HPSE2: variants seen among roughly 807,000 people sequenced by gnomAD.
HPSE2 encodes the protein inactive heparanase-2.
HPSE2 carries 38 observed loss-of-function variants against 60.5 expected under a neutral mutation model. The ratio of observed to expected loss-of-function variants is 0.63; its 90% CI spans 0.48 to 0.82. The LOEUF is 0.82. HPSE2 is among the 40% of genes least tolerant of loss of function. The pLI is 0.00. For synonymous variants in HPSE2, 295 were observed against 293.2 expected (o/e 1.01, Z -0.06); for missense variants, 713 against 740.4 (o/e 0.96, Z 0.43).
intron 3 of HPSE2, among the ~76,000 whole-genome samples, chr10:99,102,141 C>G (rs1292954041): frequency 1.3e-5 from 2 of 150,152 alleles, no homozygotes; most frequent in Non-Finnish European, 3.0e-5. Flanking sequence ...CAGAGCAGAA[C>G]TAAAGGAAAT....
chr10:99,246,844 C>CT, the HPSE2 span, among the ~76,000 whole-genome samples: 4 of 151,944 alleles, frequency 2.6e-5, no homozygotes, highest in East Asian at 7.7e-4. Flanking sequence ...TACTGTTTTT[C>CT]TTTTTATGTG....
chr10:98,704,710 C>T (rs917466653), intron 5 of HPSE2, among the ~76,000 whole-genome samples: 31 of 152,054 alleles, frequency 2.0e-4, no homozygotes, highest in African/African-American at 5.3e-4. Flanking sequence ...TAGCCATATG[C>T]GGAAAACTGA....
intron 11 of HPSE2, among the ~76,000 whole-genome samples, chr10:98,477,759 A>T (rs144353592): frequency 2.0e-5 from 3 of 152,116 alleles, no homozygotes; most frequent in Non-Finnish European, 2.9e-5. Flanking sequence ...GGGCTCCCTA[A>T]CCCCTGGGCC....
intron 3 of HPSE2, among the ~76,000 whole-genome samples, chr10:98,934,034 T>C (rs556921422): frequency 1.4e-5 from 2 of 144,152 alleles, no homozygotes; most frequent in Non-Finnish European, 3.0e-5. Context: ...GCCTGGCACC[T>C]TCTTCGTCTT....
At chr10:99,204,947 A>G (rs1848694636) in intron 2 of HPSE2, among the ~76,000 whole-genome samples, 4 of 152,354 alleles carry the variant, frequency 2.6e-5, no homozygotes, top group Admixed American at 2.6e-4. Context: ...CCTTCACAAC[A>G]ACATGTATAG....
chr10:99,129,995 G>C (rs1165767085), intron 3 of HPSE2, among the ~76,000 whole-genome samples: 1 of 151,940 alleles, frequency 6.6e-6, no homozygotes, highest in Non-Finnish European at 1.5e-5. Context: ...AGGCTACCAG[G>C]AACACCTTTA....
In HPSE2 at chr10:98,985,849, C is replaced by T. The variant is rs533877958; in HGVS notation, c.610+158389G>A. On this transcript the variant is annotated intron_variant, in intron 3 of 11. Transcript: ENST00000370552. ...AAGGCAGGGGTTGCAATCCTAGTCTCTCATAAAACAGACTTTAAACCAACA... is the reference window on the plus strand; with the variant it reads ...AAGGCAGGGGTTGCAATCCTAGTCTTTCATAAAACAGACTTTAAACCAACA... Among the ~76,000 whole-genome samples the T allele has an allele frequency of 2.6e-5, 4 of 152,200 alleles. No homozygotes were observed. The South Asian group carries it at 8.3e-4, about 32-fold the overall frequency.
intron 3 of HPSE2, among the ~76,000 whole-genome samples, chr10:98,745,117 G>A (rs1442465632): frequency 6.6e-6 from 1 of 152,232 alleles, no homozygotes; most frequent in African/African-American, 2.4e-5. Flanking sequence ...CAGGAGAATG[G>A]CGTGAACCTG....
intron 3 of HPSE2, among the ~76,000 whole-genome samples, chr10:98,950,337 A>G (rs1955318486): frequency 6.6e-6 from 1 of 152,166 alleles, no homozygotes; most frequent in African/African-American, 2.4e-5. Context: ...AGGCATAAAT[A>G]CCCAGGAGTA....
At chr10:99,143,078 T>C (rs371402623) in intron 3 of HPSE2, among the ~76,000 whole-genome samples, 17 of 152,162 alleles carry the variant, frequency 1.1e-4, no homozygotes, top group East Asian at 9.6e-4. Flanking sequence ...CACTAACCAA[T>C]TTAGGGAAAT....
At chr10:98,925,709 A>AT (rs1954437449) in intron 3 of HPSE2, among the ~76,000 whole-genome samples, 2 of 152,142 alleles carry the variant, frequency 1.3e-5, no homozygotes, top group Non-Finnish European at 2.9e-5. Context: ...TAGGACACAA[A>AT]TTTTTTATGA....
At chr10:98,596,322 T>C (rs1175728951) in intron 9 of HPSE2, among the ~76,000 whole-genome samples, 1 of 127,304 alleles carries the variant, frequency 7.9e-6, no homozygotes, top group East Asian at 2.4e-4. Flanking sequence ...ATTGTTGCTA[T>C]TGTTATTTTT....
intron 4 of HPSE2, among the ~76,000 whole-genome samples, chr10:98,737,447 T>C (rs1949386754): frequency 8.9e-6 from 1 of 111,778 alleles, no homozygotes; most frequent in Non-Finnish European, 1.9e-5. Flanking sequence ...CAGCCCAGTG[T>C]TGTATCTGGG....
At chr10:98,953,121 G>C (rs957104309) in intron 3 of HPSE2, among the ~76,000 whole-genome samples, 1 of 152,146 alleles carries the variant, frequency 6.6e-6, no homozygotes, top group Non-Finnish European at 1.5e-5. Flanking sequence ...GAAGGCTCCT[G>C]GTGGACAAGG....
At position 98,778,264 on chromosome 10, in the gene HPSE2, CAGAGAGAGAGAG is replaced by C. The variant is rs143885408; in HGVS notation, c.611-34220_611-34209del. 1.5e-3 allele frequency among the ~76,000 whole-genome samples: 166 copies of C among 112,730 alleles called. 1 individual carries two copies. Among genetic ancestry groups the C allele is most frequent in the Middle Eastern group, 0.012 (2 of 162 alleles). 74.0% of individuals were successfully genotyped at this position (112,730 alleles called of 152,430 possible). ...TGCAGGATGCTCAGTGAGAGAGAGA[CAGAGAGAGAGAG>C]AGAGAGAGAGAGAGAGAGAGAAAGC... On this transcript the variant is annotated intron_variant, in intron 3 of 11. Coordinates refer to ENST00000370552, the MANE Select transcript of HPSE2 (RefSeq NM_021828.5).
intron 3 of HPSE2, among the ~76,000 whole-genome samples, chr10:98,804,700 G>A (rs750172666): frequency 6.6e-6 from 1 of 152,038 alleles, no homozygotes; most frequent in African/African-American, 2.4e-5. Context: ...AAATTAGTAC[G>A]ACTACTATGG....
At chr10:99,101,609 G>GA (rs1843993456) in intron 3 of HPSE2, among the ~76,000 whole-genome samples, 1 of 152,178 alleles carries the variant, frequency 6.6e-6, no homozygotes, top group Non-Finnish European at 1.5e-5. Flanking sequence ...TCCAGGAATT[G>GA]AACTCAACTC....
chr10:98,472,355 T>G (rs1175891666), intron 11 of HPSE2, among the ~76,000 whole-genome samples: 1 of 152,138 alleles, frequency 6.6e-6, no homozygotes, highest in Non-Finnish European at 1.5e-5. Flanking sequence ...TCCCAGGCAC[T>G]TTCTTGCCAT....
chr10:99,141,543 G>A (rs542158287), intron 3 of HPSE2, among the ~76,000 whole-genome samples: 13 of 152,112 alleles, frequency 8.5e-5, no homozygotes, highest in Admixed American at 3.3e-4. Context: ...ATACTTCAAC[G>A]AAGTATATAT....
Sources: allele counts gnomAD v4.1 joint callset (sites outside exome capture counted in the v4.1 genomes callset), GRCh38; gene constraint gnomAD v4.1.1; transcripts MANE v1.5; gene names NCBI Gene and HGNC (gene_info 2026-07-23, HGNC 2026-07-21).